The following TMEM131 variants were observed in gnomAD, a reference collection of about 807,000 sequenced individuals.
The protein encoded by TMEM131 is 2610524E03Rik.
In TMEM131, 66 loss-of-function variants were observed where a neutral mutation model predicts 211.6. The observed-to-expected ratio is 0.31, with a 90% CI of 0.26 to 0.38. The LOEUF (loss-of-function observed/expected upper bound fraction) is 0.38, where lower values mean the gene tolerates loss of function less well. Among genes scored for constraint, TMEM131 ranks in the 10% least tolerant of loss-of-function variants. The probability of loss-of-function intolerance (pLI) is 1.00; values close to 1 mark genes in which losing one functional copy is unlikely to be tolerated. For synonymous variants in TMEM131, 844 were observed against 841.3 expected (o/e 1.00, Z -0.06); for missense variants, 2,036 against 2,299.3 (o/e 0.89, Z 2.34).
intron 3 of TMEM131, chr2:97,907,324 C>A (rs937407670): frequency 3.9e-5 from 6 of 151,960 alleles, no homozygotes; most frequent in Non-Finnish European, 8.8e-5. Context: ...CATGTTACTG[C>A]AGAGATGAAA....
intron 24 of TMEM131, 99 bp from the exon 25 acceptor site, chr2:97,802,060 G>T: frequency 2.6e-6 from 2 of 774,422 alleles, no homozygotes; most frequent in East Asian, 2.9e-5. Flanking sequence ...TCAAATTATT[G>T]TCTGTCAGGT....
At chr2:97,986,816 G>T (rs556039626) in intron 1 of TMEM131, among the ~76,000 whole-genome samples, 1 of 152,242 alleles carries the variant, frequency 6.6e-6, no homozygotes, top group East Asian at 1.9e-4. Flanking sequence ...GTCCAATTTC[G>T]CCCAAAGGTT....
intron 1 of TMEM131, among the ~76,000 whole-genome samples, chr2:97,928,947 A>G (rs1303889721): frequency 3.3e-5 from 5 of 151,912 alleles, no homozygotes; most frequent in Non-Finnish European, 7.3e-5. Context: ...AGATGTGTAT[A>G]TTCATAGGTT....
chr2:97,835,243 ATTT>A (rs558190140), intron 8 of TMEM131, among the ~76,000 whole-genome samples: 95 of 152,340 alleles, frequency 6.2e-4, no homozygotes, highest in Admixed American at 2.0e-3. Context: ...AAAATCAGTT[ATTT>A]TTTAATATGC....
At chr2:97,824,139 T>C (rs866466598) in intron 11 of TMEM131, among the ~76,000 whole-genome samples, 9 of 152,144 alleles carry the variant, frequency 5.9e-5, no homozygotes, top group Admixed American at 3.3e-4. Context: ...TTAAAAAAGA[T>C]TGTCCAATGA....
At chr2:97,967,430 T>C (rs921042174) in intron 1 of TMEM131, among the ~76,000 whole-genome samples, 3 of 152,148 alleles carry the variant, frequency 2.0e-5, no homozygotes, top group African/African-American at 7.2e-5. Flanking sequence ...CAGTACAGTG[T>C]GTAAATTTAT....
At chr2:97,902,807 T>C (rs1029000405) in intron 3 of TMEM131, among the ~76,000 whole-genome samples, 1 of 152,054 alleles carries the variant, frequency 6.6e-6, no homozygotes, top group Admixed American at 6.6e-5. Context: ...CCAGCAAATA[T>C]AAAGCAGGCA....
chr2:97,791,089 G>A (rs1314108257), intron 31 of TMEM131, among the ~76,000 whole-genome samples: 1 of 152,210 alleles, frequency 6.6e-6, no homozygotes, highest in Non-Finnish European at 1.5e-5. Context: ...TATTAGCATG[G>A]CTGCCACAAG....
chr2:97,845,782 A>G (rs1187670451), intron 5 of TMEM131, among the ~76,000 whole-genome samples: 1 of 151,940 alleles, frequency 6.6e-6, no homozygotes, highest in Non-Finnish European at 1.5e-5. Context: ...AAATCAATAA[A>G]ACCGAAGCTG....
chr2:97,964,991 T>G (rs1179160544), intron 1 of TMEM131, among the ~76,000 whole-genome samples: 1 of 152,324 alleles, frequency 6.6e-6, no homozygotes, highest in East Asian at 1.9e-4. Flanking sequence ...CTGGGAGCCA[T>G]GGGCGGCCTC....
At chr2:97,907,344 G>C (rs1038499007) in intron 3 of TMEM131, 3 of 152,078 alleles carry the variant, frequency 2.0e-5, no homozygotes, top group Non-Finnish European at 4.4e-5. Context: ...AGAGTAAAAA[G>C]AGAAAAAATA....
At chr2:97,802,931 T>G (rs1681104067) in intron 22 of TMEM131, 141 bp from the exon 23 acceptor site, 2 of 710,484 alleles carry the variant, frequency 2.8e-6, no homozygotes, top group East Asian at 5.8e-5. Flanking sequence ...AATATTTTAC[T>G]ATGCTTGTAA....
chr2:97,913,160 T>C (rs191283797), intron 2 of TMEM131: 1 of 152,256 alleles, frequency 6.6e-6, no homozygotes, highest in African/African-American at 2.4e-5. Context: ...CCACTAACAT[T>C]AAGTGTGTAG....
At chr2:97,801,799 G>T in intron 25 of TMEM131, 96 bp downstream of exon 25, 1 of 886,928 alleles carries the variant, frequency 1.1e-6, no homozygotes, top group Non-Finnish European at 1.6e-6. Context: ...TTACCCTTCA[G>T]CCAAATTTAA....
rs532527198 is a variant in TMEM131 at position 97,962,296 on chromosome 2, G to A, written c.187+33180C>T. On this transcript the variant is annotated intron_variant, in intron 1 of 40. Coordinates refer to ENST00000186436, the MANE Select transcript of TMEM131 (RefSeq NM_015348.2). ...AGGCAGGTGGATCACAAGGTCAGGA[G>A]ATTGAGACCATCCTGGCCAACAGGG... Among the ~76,000 whole-genome samples the A allele has an allele frequency of 1.9e-4, 29 of 152,322 alleles. No homozygotes were observed. In the East Asian group the frequency reaches 5.0e-3, roughly 26 times the overall value.
chr2:97,943,026 GAAAAGA>G (rs368828715), intron 1 of TMEM131, among the ~76,000 whole-genome samples: 28,919 of 80,760 alleles, frequency 0.36, 5,645 homozygotes, highest in Middle Eastern at 0.47. Context: ...GAAAAGAAAA[GAAAAGA>G]AAAGAAAAGA....
At chr2:97,760,540 C>T (rs953508453) in intron 38 of TMEM131, 53 bp downstream of exon 38, 1 of 1,530,904 alleles carries the variant, frequency 6.5e-7, no homozygotes, top group Non-Finnish European at 8.9e-7. Flanking sequence ...AAGGTGCTAA[C>T]CCGACTTGAG....
chr2:97,783,295 C>T (rs779080517), intron 31 of TMEM131, among the ~76,000 whole-genome samples: 1 of 151,886 alleles, frequency 6.6e-6, no homozygotes, highest in South Asian at 2.1e-4. Context: ...CAGACCTACC[C>T]TAAAAAAATG....
chr2:97,876,741 T>A (rs1056876914), intron 4 of TMEM131, among the ~76,000 whole-genome samples: 1 of 152,152 alleles, frequency 6.6e-6, no homozygotes, highest in Non-Finnish European at 1.5e-5. Flanking sequence ...CCATAGCCAA[T>A]ACCATACTGA....
Sources: gnomAD v4.1 joint callset for allele counts (sites outside exome capture counted in the v4.1 genomes callset) on GRCh38, gnomAD v4.1.1 for gene constraint, MANE v1.5 for transcripts, NCBI Gene and HGNC (gene_info 2026-07-23, HGNC 2026-07-21) for gene names.